CPD: variants seen among roughly 807,000 people sequenced by gnomAD.
CPD encodes carboxypeptidase D.
In CPD, 69 loss-of-function variants were observed where a neutral mutation model predicts 138.3. That is an observed-to-expected ratio of 0.50 (90% confidence interval 0.41 to 0.61). The LOEUF (loss-of-function observed/expected upper bound fraction) is 0.61. Among genes scored for constraint, CPD ranks in the 20% least tolerant of loss-of-function variants. The pLI is 0.00. For synonymous variants in CPD, 651 were observed against 642.1 expected (o/e 1.01, Z -0.21); for missense variants, 1,432 against 1,733.3 (o/e 0.83, Z 3.09).
chr17:30,406,847 G>T (rs1911813179), intron 2 of CPD, among the ~76,000 whole-genome samples: 1 of 151,924 alleles, frequency 6.6e-6, no homozygotes, highest in Admixed American at 6.6e-5. Flanking sequence ...TAAGTTCTAG[G>T]GTACATGTGC....
At chr17:30,427,322 A>G (rs1597721678) in intron 6 of CPD, 69 bp from the exon 7 acceptor site, 1 of 1,417,866 alleles carries the variant, frequency 7.1e-7, no homozygotes, top group East Asian at 2.3e-5. Context: ...AGGTATCTAA[A>G]GTAGTACGTG....
chr17:30,443,095 C>G (rs1325352181), intron 10 of CPD, among the ~76,000 whole-genome samples: 6 of 151,792 alleles, frequency 4.0e-5, no homozygotes, highest in Non-Finnish European at 1.5e-5. Flanking sequence ...ATTCCTATAC[C>G]TAGATTTAAC....
intron 2 of CPD, among the ~76,000 whole-genome samples, chr17:30,406,370 T>C (rs1911801415): frequency 6.6e-6 from 1 of 152,172 alleles, no homozygotes; most frequent in Admixed American, 6.6e-5. Context: ...ATATGCTCTG[T>C]CAAACTAAGG....
At chr17:30,430,920 G>A (rs772446933) in intron 7 of CPD, among the ~76,000 whole-genome samples, 8 of 152,202 alleles carry the variant, frequency 5.3e-5, no homozygotes, top group Non-Finnish European at 1.0e-4. Context: ...GCCTCCCAAA[G>A]TGCTGAGATT....
intron 8 of CPD, among the ~76,000 whole-genome samples, chr17:30,435,519 GT>G (rs1912676918): frequency 6.6e-6 from 1 of 151,936 alleles, no homozygotes; most frequent in Non-Finnish European, 1.5e-5. Flanking sequence ...CTTAAAATAG[GT>G]CATAAACCTA....
At chr17:30,445,517 A>G (rs572075483) in intron 11 of CPD, among the ~76,000 whole-genome samples, 174 bp from the exon 12 acceptor site, 2 of 152,292 alleles carry the variant, frequency 1.3e-5, no homozygotes, top group Non-Finnish European at 2.9e-5. Flanking sequence ...ACCCATGTCT[A>G]TTCTTTATTA....
chr17:30,400,481 T>G (rs987758959), intron 2 of CPD, among the ~76,000 whole-genome samples: 1 of 152,166 alleles, frequency 6.6e-6, no homozygotes, highest in African/African-American at 2.4e-5. Context: ...AATAGCTGAT[T>G]GTATTTACCA....
intron 15 of CPD, 105 bp from the exon 16 acceptor site, chr17:30,456,151 C>T: frequency 2.4e-6 from 2 of 831,540 alleles, no homozygotes; most frequent in Non-Finnish European, 3.8e-6. Flanking sequence ...AAGTGGAGTG[C>T]AAAATTTATT....
In CPD at chr17:30,422,889, A is replaced by C. The variant is rs1912305376; in HGVS notation, c.1523A>C (p.Asp508Ala). 1 of 1,613,934 alleles carries C rather than the reference A, an allele frequency of 6.2e-7. No homozygotes were observed. Among genetic ancestry groups the C allele is most frequent in the Non-Finnish European group, 8.5e-7 (1 of 1,179,914 alleles). ...PKDFHHHHFP[D>A]MEIFLRRFAN... is the part of the protein sequence containing the mutation. Reference sequence around the variant, plus strand: ...GACTTTCACCACCACCATTTCCCTGATATGGAAATCTTCTTGAGAAGGTTT... The same window carrying C: ...GACTTTCACCACCACCATTTCCCTGCTATGGAAATCTTCTTGAGAAGGTTT... Residue 508 changes from aspartate to alanine, a missense_variant, in exon 5 of 21, where the codon GAT becomes GCT. Physicochemically the swap from Asp to Ala is moderately radical, Grantham distance 126 (BLOSUM62 -2). This residue lies in a region of CPD where 1 missense variants were observed against 17.1 expected (regional missense o/e 0.06). Transcript: ENST00000225719.
At chr17:30,423,284 T>C (rs1004740871) in intron 5 of CPD, among the ~76,000 whole-genome samples, 1 of 152,206 alleles carries the variant, frequency 6.6e-6, no homozygotes, top group South Asian at 2.1e-4. Flanking sequence ...GTTTTATTTA[T>C]TTATATTATA....
chr17:30,431,292 T>C (rs1441733786), intron 7 of CPD, among the ~76,000 whole-genome samples: 2 of 152,224 alleles, frequency 1.3e-5, no homozygotes, highest in Admixed American at 6.5e-5. Context: ...TCAAGTCCTT[T>C]GTCCAATTTT....
At position 30,388,116 on chromosome 17, in the gene CPD, C is replaced by CATCT. The variant is rs1398980960; in HGVS notation, c.994+2881_994+2884dup. On this transcript the variant is annotated intron_variant, in intron 2 of 20. Transcript: ENST00000225719. ...AGGAGCTACCCTCTGGTTGTCCCAT[C>CATCT]ATCTCTCCATCCTCTGCCTTGCTCT... Among the ~76,000 whole-genome samples, 7 of 152,342 alleles carry CATCT rather than the reference C, an allele frequency of 4.6e-5. No homozygotes were observed. The East Asian group carries it at 1.3e-3, about 29-fold the overall frequency.
At chr17:30,455,136 G>T in intron 14 of CPD, 1 of 516,964 alleles carries the variant, frequency 1.9e-6, no homozygotes, top group Admixed American at 3.2e-5. Flanking sequence ...TACACATCCT[G>T]AAGTACATAA....
At chr17:30,388,420 C>T (rs998666915) in intron 2 of CPD, among the ~76,000 whole-genome samples, 1 of 152,254 alleles carries the variant, frequency 6.6e-6, no homozygotes, top group African/African-American at 2.4e-5. Context: ...GAGTCGCCCT[C>T]AGTCCCCAAC....
At chr17:30,416,764 A>C (rs1912118099) in intron 2 of CPD, among the ~76,000 whole-genome samples, 2 of 152,142 alleles carry the variant, frequency 1.3e-5, no homozygotes, top group Admixed American at 6.5e-5. Flanking sequence ...ATAACTACCT[A>C]GTCTCTAGTT....
intron 11 of CPD, among the ~76,000 whole-genome samples, chr17:30,445,004 C>T (rs1348369353): frequency 2.0e-5 from 3 of 151,822 alleles, no homozygotes; most frequent in Non-Finnish European, 4.4e-5. Context: ...GCAGGGGATC[C>T]GAGAAACAGG....
chr17:30,417,087 T>C (rs1361213319), intron 2 of CPD, among the ~76,000 whole-genome samples: 3 of 149,666 alleles, frequency 2.0e-5, no homozygotes, highest in Admixed American at 1.3e-4. Context: ...GGTGACAGAG[T>C]GAGACTCAGT....
At chr17:30,380,434 T>G in intron 1 of CPD, 1 of 1,224,986 alleles carries the variant, frequency 8.2e-7, no homozygotes, top group Non-Finnish European at 1.0e-6. Flanking sequence ...CTTGCACAGA[T>G]CTGTGAGCCG....
At chr17:30,412,630 T>TCAGACTGCTG (rs780982078) in intron 2 of CPD, among the ~76,000 whole-genome samples, 24 of 152,150 alleles carry the variant, frequency 1.6e-4, no homozygotes, top group Non-Finnish European at 3.2e-4. Context: ...CAGGTTGATC[T>TCAGACTGCTG]CAGACTGCTG....
Sources: gnomAD v4.1 joint callset for allele counts (sites outside exome capture counted in the v4.1 genomes callset) on GRCh38, gnomAD v4.1.1 for gene constraint, gnomAD v4.1.1 regional missense constraint, MANE v1.5 for transcripts, NCBI Gene and HGNC (gene_info 2026-07-23, HGNC 2026-07-21) for gene names.